UGT1A10: variants seen among roughly 807,000 people sequenced by gnomAD.
The protein encoded by UGT1A10 is UDP glucuronosyltransferase family 1 member A10.
Under a neutral mutation model 45.8 loss-of-function variants are expected in UGT1A10, and 49 were observed. The observed-to-expected ratio is 1.07, with a 90% confidence interval of 0.85 to 1.36. The LOEUF is 1.36. UGT1A10 is among the 40% of genes most tolerant of loss of function. The pLI is 0.00. For missense variants in UGT1A10, 745 were observed against 668.6 expected, an observed-to-expected ratio of 1.11 and a Z score of -1.26; for synonymous variants, 284 against 249.7, an observed-to-expected ratio of 1.14 and a Z score of -1.29.
At chr2:233,737,893 C>T (rs954991944) in intron 1 of UGT1A10, among the ~76,000 whole-genome samples, 2 of 152,082 alleles carry the variant, frequency 1.3e-5, no homozygotes, top group African/African-American at 4.8e-5. Flanking sequence ...AGCTAATTTT[C>T]GAGTGTGGTA....
rs949471199 is a variant in UGT1A10, at chr2:233,747,414, C to T, written c.856-19620C>T. Reference sequence around the variant, plus strand: ...GGTCCTCACCCCAGAGGTGAATATGCACATCAAACAAGAGAAATTTTTCAC... The same window carrying T: ...GGTCCTCACCCCAGAGGTGAATATGTACATCAAACAAGAGAAATTTTTCAC... On this transcript the variant is annotated intron_variant, in intron 1 of 4. Transcript: ENST00000344644. 5.6e-6 allele frequency: 9 copies of T among 1,606,904 alleles called. No individual in the cohort carries two copies. In the Admixed American group the frequency reaches 6.7e-5, roughly 12 times the overall value.
At chr2:233,749,258 T>A (rs1694154027) in intron 1 of UGT1A10, among the ~76,000 whole-genome samples, 1 of 151,972 alleles carries the variant, frequency 6.6e-6, no homozygotes, top group African/African-American at 2.4e-5. Flanking sequence ...ATTTTTTTAT[T>A]GGTGATTTTC....
intron 1 of UGT1A10, chr2:233,744,001 A>C (rs2125858946): frequency 2.5e-6 from 3 of 1,207,932 alleles, no homozygotes; most frequent in Admixed American, 2.6e-5. Context: ...GAGTGCTCGG[A>C]GACCTGGGCC....
chr2:233,755,153 C>T, intron 1 of UGT1A10: 10 of 1,299,120 alleles, frequency 7.7e-6, no homozygotes, highest in Non-Finnish European at 1.0e-5. Flanking sequence ...CCGCTTCCTC[C>T]CTGTCCTCGG....
At chr2:233,745,951 T>G (rs946594198) in intron 1 of UGT1A10, among the ~76,000 whole-genome samples, 1 of 151,238 alleles carries the variant, frequency 6.6e-6, no homozygotes, top group African/African-American at 2.4e-5. Context: ...GTTGGGCAAC[T>G]GGGGGACAGG....
At chr2:233,708,864 A>C (rs751594511) in intron 1 of UGT1A10, among the ~76,000 whole-genome samples, 39 of 148,722 alleles carry the variant, frequency 2.6e-4, no homozygotes, top group Non-Finnish European at 4.3e-4. Flanking sequence ...AATCTCTTTT[A>C]TTGGTTCACA....
intron 1 of UGT1A10, among the ~76,000 whole-genome samples, chr2:233,681,530 CAAAAAAAAA>C (rs747693860): frequency 3.9e-5 from 3 of 77,724 alleles, no homozygotes; most frequent in South Asian, 4.9e-4. Flanking sequence ...GACTCCATCT[CAAAAAAAAA>C]AAAAAAAAAA....
At chr2:233,702,416 C>T (rs186724566) in intron 1 of UGT1A10, among the ~76,000 whole-genome samples, 47 of 152,146 alleles carry the variant, frequency 3.1e-4, no homozygotes, top group African/African-American at 1.1e-3. Context: ...ATAGAGATAG[C>T]GTTACTTCTT....
chr2:233,719,679 C>T (rs781186031), intron 1 of UGT1A10: 1 of 1,613,946 alleles, frequency 6.2e-7, no homozygotes, highest in Non-Finnish European at 8.5e-7. Flanking sequence ...CGGGAAGCCA[C>T]TATCTCAGGT....
chr2:233,648,348 A>G, intron 1 of UGT1A10: 1 of 439,546 alleles, frequency 2.3e-6, no homozygotes, highest in South Asian at 2.3e-5. Flanking sequence ...CCAGAGGAAT[A>G]CTTTGACATT....
At chr2:233,667,199 G>C (rs1454704460) in intron 1 of UGT1A10, among the ~76,000 whole-genome samples, 3 of 152,092 alleles carry the variant, frequency 2.0e-5, no homozygotes, top group African/African-American at 7.2e-5. Context: ...AGTATTTCTA[G>C]TTCTAGATCC....
At chr2:233,719,280 G>A (rs762367100) in intron 1 of UGT1A10, 57 of 1,613,966 alleles carry the variant, frequency 3.5e-5, no homozygotes, top group South Asian at 5.5e-5. Context: ...AACAGACCCC[G>A]TTAACCTCTG....
Position 233,728,434 on chromosome 2 carries a change from T to C in UGT1A10, c.856-38600T>C, listed in dbSNP as rs547972941. On this transcript the variant is annotated intron_variant, in intron 1 of 4. Transcript: ENST00000344644. ...GATAGCAGCACCTCTTCTTCCATGG[T>C]GTATATGGAGAATCCTCAACAAAGT... Among the ~76,000 whole-genome samples, 3 of 152,272 alleles carry C rather than the reference T, an allele frequency of 2.0e-5. No homozygotes were observed. In the East Asian group the frequency reaches 5.8e-4, roughly 29 times the overall value.
intron 1 of UGT1A10, among the ~76,000 whole-genome samples, chr2:233,667,240 G>T (rs1302671103): frequency 1.3e-5 from 2 of 152,136 alleles, no homozygotes; most frequent in Admixed American, 1.3e-4. Context: ...CTTCCACAAT[G>T]GTTGAACTAG....
intron 1 of UGT1A10, chr2:233,760,313 G>T (rs761736540): frequency 6.2e-7 from 1 of 1,613,818 alleles, no homozygotes. Context: ...CAGGGCGGAC[G>T]CCCACTTGTC....
At chr2:233,729,100 A>G (rs2077792052) in intron 1 of UGT1A10, 1 of 1,612,718 alleles carries the variant, frequency 6.2e-7, no homozygotes, top group Non-Finnish European at 8.5e-7. Context: ...TGGGGTGGAC[A>G]GTCAGCTGTC....
intron 1 of UGT1A10, among the ~76,000 whole-genome samples, chr2:233,737,879 A>G (rs1333884125): frequency 6.6e-6 from 1 of 152,166 alleles, no homozygotes; most frequent in East Asian, 1.9e-4. Flanking sequence ...TTCCACATTA[A>G]CAAAGCTAAT....
intron 1 of UGT1A10, chr2:233,729,294 C>G: frequency 6.2e-7 from 1 of 1,614,226 alleles, no homozygotes; most frequent in Non-Finnish European, 8.5e-7. Flanking sequence ...CCAGAGGCCA[C>G]CAGGCAGTGG....
intron 1 of UGT1A10, among the ~76,000 whole-genome samples, chr2:233,643,613 A>G (rs28969985): frequency 3.4e-4 from 51 of 152,234 alleles, no homozygotes; most frequent in African/African-American, 1.2e-3. Flanking sequence ...TTCCTCAAGC[A>G]GAATGAGTTT....
Sources: allele counts gnomAD v4.1 joint callset (sites outside exome capture counted in the v4.1 genomes callset), GRCh38; gene constraint gnomAD v4.1.1; transcripts MANE v1.5; gene names NCBI Gene and HGNC (gene_info 2026-07-23, HGNC 2026-07-21).